The following MAGI2 variants were observed in gnomAD, a reference collection of about 807,000 sequenced individuals.
MAGI2 encodes the protein membrane associated guanylate kinase, WW and PDZ domain containing 2, also known as membrane-associated guanylate kinase, WW and PDZ domain-containing protein 2.
In MAGI2, 35 loss-of-function variants were observed where a neutral mutation model predicts 133.3. The observed-to-expected ratio is 0.26, with a 90% CI of 0.20 to 0.35. The LOEUF (loss-of-function observed/expected upper bound fraction) is 0.35, where lower values mean the gene tolerates loss of function less well. MAGI2 is among the 10% of genes least tolerant of loss of function. The probability of loss-of-function intolerance (pLI) is 1.00; values close to 1 mark genes in which losing one functional copy is unlikely to be tolerated. For missense variants in MAGI2, 1,636 were observed against 1,863.4 expected (o/e 0.88, Z 2.25); for synonymous variants, 729 against 710.6 (o/e 1.03, Z -0.41).
intron 2 of MAGI2, among the ~76,000 whole-genome samples, chr7:78,800,543 T>C (rs1342534144): frequency 6.6e-6 from 1 of 152,166 alleles, no homozygotes. Flanking sequence ...CAATGTCTCA[T>C]AGATATGAGA....
At chr7:79,059,134 T>C (rs1291284766) in intron 1 of MAGI2, among the ~76,000 whole-genome samples, 2 of 152,102 alleles carry the variant, frequency 1.3e-5, no homozygotes, top group South Asian at 4.1e-4. Context: ...TTTTTAATTA[T>C]ATTATTTTAT....
chr7:79,174,698 A>T (rs78893323), intron 1 of MAGI2, among the ~76,000 whole-genome samples: 9,689 of 150,990 alleles, frequency 0.064, 694 homozygotes, highest in African/African-American at 0.16. Flanking sequence ...TAAATTTTTT[A>T]AAAAAAGAAA....
intron 2 of MAGI2, among the ~76,000 whole-genome samples, chr7:78,631,420 T>C (rs1434419199): frequency 6.6e-6 from 1 of 152,178 alleles, no homozygotes; most frequent in Non-Finnish European, 1.5e-5. Flanking sequence ...GCCTGCCTCC[T>C]TCTTTCAGTT....
chr7:78,836,843 T>C (rs902381852), intron 2 of MAGI2, among the ~76,000 whole-genome samples: 9 of 152,112 alleles, frequency 5.9e-5, no homozygotes, highest in African/African-American at 2.2e-4. Context: ...AAACTCAGCT[T>C]TTCTAGCTTA....
intron 2 of MAGI2, among the ~76,000 whole-genome samples, chr7:78,931,471 G>A (rs911430959): frequency 3.3e-5 from 5 of 152,100 alleles, no homozygotes; most frequent in African/African-American, 1.2e-4. Context: ...GACAGGCAAT[G>A]TTCTGGACAG....
chr7:78,873,454 C>T (rs575244520), intron 2 of MAGI2, among the ~76,000 whole-genome samples: 3 of 152,082 alleles, frequency 2.0e-5, no homozygotes, highest in East Asian at 3.9e-4. Flanking sequence ...CTGTTGTGAA[C>T]CCCACATGTA....
At chr7:78,764,192 A>T (rs1824785868) in intron 2 of MAGI2, among the ~76,000 whole-genome samples, 1 of 152,250 alleles carries the variant, frequency 6.6e-6, no homozygotes, top group Non-Finnish European at 1.5e-5. Context: ...CTATATTTAT[A>T]GAACATGAGC....
In MAGI2 at chr7:78,345,950, T is replaced by C. The variant is rs746679125; in HGVS notation, c.1197A>G (p.Thr399=). 3 of 1,614,092 alleles carry C rather than the reference T, an allele frequency of 1.9e-6. No homozygotes were observed. The highest frequency in any genetic ancestry group is 2.5e-6 in the Non-Finnish European group (3 of 1,180,040). Residue 399 remains threonine (T), a synonymous_variant, in exon 8 of 22, where the codon ACA becomes ACG. Transcript: ENST00000354212. ...QHNMPHTELG[T]KPLQAPGFRE... ...GGAAACCTGGGGCCTGCAGGGGCTT[T>C]GTTCCAAGTTCTGTGTGGGGCATGT...
At chr7:78,258,908 C>T (rs1793259617) in intron 9 of MAGI2, among the ~76,000 whole-genome samples, 1 of 152,166 alleles carries the variant, frequency 6.6e-6, no homozygotes, top group Non-Finnish European at 1.5e-5. Flanking sequence ...GAACCCCATG[C>T]TGGCACAGAC....
At chr7:78,446,119 T>C (rs1283046262) in intron 6 of MAGI2, among the ~76,000 whole-genome samples, 1 of 150,996 alleles carries the variant, frequency 6.6e-6, no homozygotes, top group Non-Finnish European at 1.5e-5. Flanking sequence ...ATTATGTTTC[T>C]CTGAATTTTT....
At chr7:78,880,089 T>C (rs1462637667) in intron 2 of MAGI2, among the ~76,000 whole-genome samples, 3 of 152,000 alleles carry the variant, frequency 2.0e-5, no homozygotes, top group Non-Finnish European at 1.5e-5. Flanking sequence ...CAACCAAACC[T>C]ATAAATTACT....
At chr7:78,963,907 A>G (rs1803082760) in intron 2 of MAGI2, among the ~76,000 whole-genome samples, 1 of 151,882 alleles carries the variant, frequency 6.6e-6, no homozygotes. Flanking sequence ...AGGGTTTTTT[A>G]ATTTTGGTTT....
chr7:78,911,549 T>C (rs1487849997), intron 2 of MAGI2, among the ~76,000 whole-genome samples: 6 of 152,168 alleles, frequency 3.9e-5, no homozygotes, highest in Non-Finnish European at 7.3e-5. Flanking sequence ...GTCAGCATCT[T>C]GATCTTGAAC....
intron 1 of MAGI2, among the ~76,000 whole-genome samples, chr7:79,443,714 A>G (rs1244872131): frequency 1.3e-5 from 2 of 152,234 alleles, no homozygotes; most frequent in Non-Finnish European, 2.9e-5. Context: ...TAAAGTATAA[A>G]CAGTTTTTGT....
chr7:79,067,930 C>T (rs933663588), intron 1 of MAGI2, among the ~76,000 whole-genome samples: 4 of 152,062 alleles, frequency 2.6e-5, no homozygotes, highest in African/African-American at 9.7e-5. Context: ...TATTTTGAAC[C>T]AGGCTTGCAT....
At chr7:79,028,340 C>A (rs1203155208) in intron 1 of MAGI2, among the ~76,000 whole-genome samples, 2 of 135,630 alleles carry the variant, frequency 1.5e-5, no homozygotes, top group African/African-American at 2.7e-5. Flanking sequence ...TATATATACA[C>A]ACACACACAC....
chr7:79,172,289 T>C (rs766759325), intron 1 of MAGI2, among the ~76,000 whole-genome samples: 1 of 152,120 alleles, frequency 6.6e-6, no homozygotes, highest in African/African-American at 2.4e-5. Flanking sequence ...TTGGTATTTA[T>C]TGATTTTGGA....
rs73701472 is a variant in MAGI2, at chr7:78,416,995, T to C, written c.1046-47782A>G. Among the ~76,000 whole-genome samples, 1,037 of 152,240 alleles carry C rather than the reference T, an allele frequency of 6.8e-3. 8 individuals are homozygous for C. Among genetic ancestry groups the C allele is most frequent in the African/African-American group, 0.024 (978 of 41,550 alleles). On this transcript the variant is annotated intron_variant, in intron 6 of 21. Transcript: ENST00000354212. ...GAGAATTTTGTTATAATAGCATGAA[T>C]GGACTAAGACAAGTGGTCACTGAAA...
intron 2 of MAGI2, among the ~76,000 whole-genome samples, chr7:78,803,263 G>T (rs1788232977): frequency 6.6e-6 from 1 of 152,106 alleles, no homozygotes; most frequent in Admixed American, 6.5e-5. Context: ...ATAAGAGCAA[G>T]TCAGGAAAAG....
Sources: allele counts gnomAD v4.1 joint callset (sites outside exome capture counted in the v4.1 genomes callset), GRCh38; gene constraint gnomAD v4.1.1; transcripts MANE v1.5; gene names NCBI Gene and HGNC (gene_info 2026-07-23, HGNC 2026-07-21).